AGAP1: variants seen among roughly 807,000 people sequenced by gnomAD.
The protein encoded by AGAP1 is ArfGAP with GTPase domain, ankyrin repeat and PH domain 1.
A neutral mutation model predicts 105.3 loss-of-function variants in AGAP1; 29 were observed. The observed-to-expected ratio is 0.28, with a 90% CI of 0.21 to 0.38. The LOEUF is 0.38. Among genes scored for constraint, AGAP1 ranks in the 10% least tolerant of loss-of-function variants. AGAP1 has a pLI of 1.00. For synonymous variants in AGAP1, 509 were observed against 485.9 expected (o/e 1.05, Z -0.63); for missense variants, 998 against 1,165.1 (o/e 0.86, Z 2.09).
chr2:235,926,615 T>C (rs1272097319), intron 11 of AGAP1, among the ~76,000 whole-genome samples: 2 of 152,266 alleles, frequency 1.3e-5, no homozygotes, highest in Admixed American at 1.3e-4. Flanking sequence ...TGTTGGTTTT[T>C]CTGAAAGAAA....
intron 2 of AGAP1, among the ~76,000 whole-genome samples, chr2:235,715,405 C>A (rs561996552): frequency 6.6e-6 from 1 of 152,188 alleles, no homozygotes; most frequent in African/African-American, 2.4e-5. Context: ...TCAAGGCTGT[C>A]TGGGGGTGAG....
At position 235,601,547 on chromosome 2, in the gene AGAP1, C is replaced by T. The variant is rs546424622; in HGVS notation, c.163+106698C>T. Among the ~76,000 whole-genome samples, 8 of 152,140 alleles carry T rather than the reference C, an allele frequency of 5.3e-5. No individual in the cohort carries two copies. The highest frequency in any genetic ancestry group is 4.1e-4 in the South Asian group (2 of 4,826). On this transcript the variant is annotated intron_variant, in intron 1 of 17. Coordinates refer to ENST00000304032, the MANE Select transcript of AGAP1 (RefSeq NM_001037131.3). This position sits in a 1 kb window ranked among gnomAD's most constrained non-coding sequence, Gnocchi z 4.4. ...AAGAGAGCTTGCTCAGGCGAACTCC[C>T]GTTTATAAAACCATCAGATCTTGTG... is the stretch of plus-strand genomic sequence containing the variant.
At chr2:235,851,249 G>A (rs1030204037) in intron 9 of AGAP1, among the ~76,000 whole-genome samples, 14 of 152,194 alleles carry the variant, frequency 9.2e-5, no homozygotes, top group African/African-American at 2.9e-4. Flanking sequence ...ATAGACCATC[G>A]GTGCCCACCT....
intron 1 of AGAP1, among the ~76,000 whole-genome samples, chr2:235,498,348 T>C (rs1260964163): frequency 6.6e-6 from 1 of 151,688 alleles, no homozygotes; most frequent in Non-Finnish European, 1.5e-5. Flanking sequence ...TAAGGAAGCA[T>C]TGCTGATTGT....
At position 235,958,371 on chromosome 2, in the gene AGAP1, A is replaced by G. The variant is rs1192207486; in HGVS notation, c.1484-10091A>G. The stretch of plus-strand genomic sequence containing the variant: ...CAGCAGTAACAGCGGGAGTCCTTGC[A>G]GCAGGGAGGCTTGCAGAGATCAAGT... On this transcript the variant is annotated intron_variant, in intron 12 of 17. Coordinates refer to ENST00000304032, the MANE Select transcript of AGAP1 (RefSeq NM_001037131.3). This position sits in a 1 kb window ranked among gnomAD's most constrained non-coding sequence, Gnocchi z 4.1. Among the ~76,000 whole-genome samples, 1 of 152,110 alleles carries G rather than the reference A, an allele frequency of 6.6e-6. No homozygotes were observed. Among genetic ancestry groups the G allele is most frequent in the Non-Finnish European group, 1.5e-5 (1 of 68,022 alleles).
At chr2:235,533,372 CTAAT>C (rs1288933855) in intron 1 of AGAP1, among the ~76,000 whole-genome samples, 1 of 152,178 alleles carries the variant, frequency 6.6e-6, no homozygotes, top group East Asian at 1.9e-4. Flanking sequence ...AGCTTAATGA[CTAAT>C]TTTTCTGGAT....
In AGAP1 at chr2:235,557,116, G is replaced by A. The variant is rs537877953; in HGVS notation, c.163+62267G>A. ...GTGAGCTCTGGAGCCCGTGGGTCTG[G>A]TTGTCTTGCTGACCTGGTCTGCCTC... is the stretch of plus-strand genomic sequence containing the variant. On this transcript the variant is annotated intron_variant, in intron 1 of 17. Coordinates refer to ENST00000304032, the MANE Select transcript of AGAP1 (RefSeq NM_001037131.3). This position sits in a 1 kb window ranked among gnomAD's most constrained non-coding sequence, Gnocchi z 4.7. 3.9e-5 allele frequency among the ~76,000 whole-genome samples: 6 copies of A among 152,144 alleles called. No individual in the cohort carries two copies. The highest frequency in any genetic ancestry group is 7.4e-5 in the Non-Finnish European group (5 of 68,022).
intron 16 of AGAP1, among the ~76,000 whole-genome samples, chr2:236,093,806 A>G (rs2059123658): frequency 1.3e-5 from 2 of 152,188 alleles, no homozygotes; most frequent in Non-Finnish European, 2.9e-5. Flanking sequence ...CAAAATCACA[A>G]TCCCAAAAAA....
chr2:235,760,333 C>T (rs1285617953), intron 6 of AGAP1, among the ~76,000 whole-genome samples: 1 of 152,196 alleles, frequency 6.6e-6, no homozygotes, highest in Non-Finnish European at 1.5e-5. Flanking sequence ...GAGCTGAGAT[C>T]ACGCCACTGC....
intron 1 of AGAP1, among the ~76,000 whole-genome samples, chr2:235,679,332 T>C (rs139072952): frequency 6.6e-5 from 10 of 152,368 alleles, no homozygotes; most frequent in African/African-American, 2.2e-4. Context: ...ATATTGCATA[T>C]GTGGCTGTGT....
intron 16 of AGAP1, among the ~76,000 whole-genome samples, chr2:236,085,245 T>C (rs2058897443): frequency 6.6e-6 from 1 of 151,572 alleles, no homozygotes; most frequent in African/African-American, 2.4e-5. Flanking sequence ...AAAAAATTTT[T>C]ATTTACCCAA....
chr2:235,511,358 C>T (rs1942100455), intron 1 of AGAP1, among the ~76,000 whole-genome samples: 1 of 152,082 alleles, frequency 6.6e-6, no homozygotes, highest in African/African-American at 2.4e-5. Flanking sequence ...AGCAAGGACA[C>T]CTGGTTCCCT....
At chr2:235,686,478 G>A (rs765000205) in intron 1 of AGAP1, among the ~76,000 whole-genome samples, 4 of 150,056 alleles carry the variant, frequency 2.7e-5, no homozygotes, top group Non-Finnish European at 4.4e-5. Flanking sequence ...CCAAACCTAG[G>A]TATGAGTGTG....
chr2:235,965,274 G>A lies in AGAP1; in HGVS notation c.1484-3188G>A, dbSNP rs2054344410. Among the ~76,000 whole-genome samples the A allele has an allele frequency of 6.6e-6, 1 of 152,184 alleles. No individual in the cohort carries two copies. Among genetic ancestry groups the A allele is most frequent in the Non-Finnish European group, 1.5e-5 (1 of 68,036 alleles). On this transcript the variant is annotated intron_variant, in intron 12 of 17. Transcript: ENST00000304032. This position sits in a 1 kb window ranked among gnomAD's most constrained non-coding sequence, Gnocchi z 5.8. Reference sequence around the variant, plus strand: ...GTCAGGTAGAGCCAAGCCTGGAACTGGTGTTGGTGTCATGCACATGGAGAA... The same window carrying A: ...GTCAGGTAGAGCCAAGCCTGGAACTAGTGTTGGTGTCATGCACATGGAGAA...
At chr2:236,023,598 G>A (rs1241551956) in intron 13 of AGAP1, among the ~76,000 whole-genome samples, 1 of 152,132 alleles carries the variant, frequency 6.6e-6, no homozygotes. Context: ...GGAGAAGATG[G>A]TTATTTTCTG....
chr2:235,547,356 CTT>C (rs565421160), intron 1 of AGAP1, among the ~76,000 whole-genome samples: 3 of 135,436 alleles, frequency 2.2e-5, no homozygotes, highest in Admixed American at 7.5e-5. Flanking sequence ...CTTACATTGA[CTT>C]TTTTTTTTTT....
At chr2:235,726,926 C>T (rs1330085356) in intron 3 of AGAP1, among the ~76,000 whole-genome samples, 1 of 152,176 alleles carries the variant, frequency 6.6e-6, no homozygotes. Context: ...GAGGAGCCCT[C>T]TCCCCCATTT....
chr2:235,767,911 A>G (rs1372205269), intron 6 of AGAP1, among the ~76,000 whole-genome samples: 1 of 151,058 alleles, frequency 6.6e-6, no homozygotes, highest in Non-Finnish European at 1.5e-5. Flanking sequence ...CAGCCTCCCA[A>G]GTAGCTGGGA....
chr2:235,774,212 T>C (rs2696412), intron 6 of AGAP1: 101,805 of 396,996 alleles, frequency 0.26, 14,431 homozygotes, highest in Admixed American at 0.44. Context: ...GTATGGCACA[T>C]CTATAAACTA....
Sources: allele counts gnomAD v4.1 joint callset (sites outside exome capture counted in the v4.1 genomes callset), GRCh38; gene constraint gnomAD v4.1.1; non-coding constraint Gnocchi (gnomAD v3.1); transcripts MANE v1.5; gene names NCBI Gene and HGNC (gene_info 2026-07-23, HGNC 2026-07-21).